SLIT2: variants seen among roughly 807,000 people sequenced by gnomAD.
The protein encoded by SLIT2 is slit homolog 2 protein.
SLIT2 carries 41 observed loss-of-function variants against 185.7 expected under a neutral mutation model. The ratio of observed to expected loss-of-function variants is 0.22; its 90% confidence interval spans 0.17 to 0.29. The LOEUF is 0.29. Among genes scored for constraint, SLIT2 ranks in the 10% least tolerant of loss-of-function variants. The pLI, the probability that SLIT2 is intolerant of heterozygous loss-of-function variation, is 1.00. For synonymous variants in SLIT2, 693 were observed against 680.2 expected (o/e 1.02, Z -0.29); for missense variants, 1,571 against 1,909.0 (o/e 0.82, Z 3.30).
Position 20,553,977 on chromosome 4 carries a change from T to C in SLIT2, c.2725+9T>C, listed in dbSNP as rs765923671. 4.7e-5 allele frequency: 74 copies of C among 1,569,292 alleles called. No individual in the cohort carries two copies. The highest frequency in any genetic ancestry group is 3.6e-5 in the Non-Finnish European group (42 of 1,163,256). ...AAAATTTACCTGTCAAGGTATGGTT[T>C]TTAATCATTTGTATTTCTTTTAAGA... is the stretch of plus-strand genomic sequence containing the variant. On this transcript the variant is annotated intron_variant, in intron 26 of 36. Transcript: ENST00000504154.
At chr4:20,527,554 G>C (rs1222276917) in intron 15 of SLIT2, among the ~76,000 whole-genome samples, 1 of 152,154 alleles carries the variant, frequency 6.6e-6, no homozygotes, top group East Asian at 1.9e-4. Flanking sequence ...CGAAGTGCTA[G>C]TATTACAGGC....
rs181176897 is a variant in SLIT2, at chr4:20,613,475, G to A, written c.3847+3308G>A. 4.9e-3 allele frequency among the ~76,000 whole-genome samples: 749 copies of A among 152,272 alleles called. 9 individuals are homozygous for A. Among genetic ancestry groups the A allele is most frequent in the African/African-American group, 0.017 (698 of 41,550 alleles). On this transcript the variant is annotated intron_variant, in intron 34 of 36. Coordinates refer to ENST00000504154, the MANE Select transcript of SLIT2 (RefSeq NM_004787.4). The stretch of plus-strand genomic sequence containing the variant: ...AATGATGAGAACACATGGACACAGA[G>A]AGGGGAACAACACACACTGGGGCCT...
At chr4:20,570,858 T>C (rs537462779) in intron 29 of SLIT2, among the ~76,000 whole-genome samples, 1 of 151,406 alleles carries the variant, frequency 6.6e-6, no homozygotes, top group African/African-American at 2.4e-5. Context: ...TGAGGACTCT[T>C]GAGTTGGTTT....
chr4:20,586,190 A>G (rs1025773518), intron 29 of SLIT2, among the ~76,000 whole-genome samples: 2 of 152,172 alleles, frequency 1.3e-5, no homozygotes, highest in South Asian at 4.1e-4. Context: ...AAGGAAAATT[A>G]AAGAAACAGT....
chr4:20,417,677 G>A (rs779465535), intron 4 of SLIT2, among the ~76,000 whole-genome samples: 33 of 151,514 alleles, frequency 2.2e-4, no homozygotes, highest in Admixed American at 1.3e-3. Context: ...GCACCACCAC[G>A]CCCAGCTAAT....
At chr4:20,358,366 C>A (rs1036914535) in intron 4 of SLIT2, among the ~76,000 whole-genome samples, 4 of 152,074 alleles carry the variant, frequency 2.6e-5, no homozygotes, top group African/African-American at 9.7e-5. Context: ...GTATTTTTAA[C>A]GCAAACTAAT....
At chr4:20,463,500 T>TGC (rs1553906551) in intron 4 of SLIT2, among the ~76,000 whole-genome samples, 2 of 123,636 alleles carry the variant, frequency 1.6e-5, no homozygotes, top group Admixed American at 8.7e-5. Flanking sequence ...TATGTGTGTG[T>TGC]GCGTATATCC....
Position 20,582,674 on chromosome 4 carries a change from C to T in SLIT2, c.3089-6970C>T, listed in dbSNP as rs146037728. Among the ~76,000 whole-genome samples the T allele has an allele frequency of 1.2e-3, 180 of 152,214 alleles. 2 individuals are homozygous for T. The highest frequency in any genetic ancestry group is 4.1e-3 in the African/African-American group (169 of 41,536). Reference sequence around the variant, plus strand: ...TGCAGAGATAGGAGATTCATTTTTGCGGTAGATCTTAGCATCCTCAGTGTA... The same window carrying T: ...TGCAGAGATAGGAGATTCATTTTTGTGGTAGATCTTAGCATCCTCAGTGTA... On this transcript the variant is annotated intron_variant, in intron 29 of 36. Transcript: ENST00000504154.
chr4:20,287,746 A>G (rs1577372237), intron 4 of SLIT2, among the ~76,000 whole-genome samples: 1 of 152,192 alleles, frequency 6.6e-6, no homozygotes, highest in African/African-American at 2.4e-5. Context: ...CTAGAATTCA[A>G]GCTACTGGTG....
At chr4:20,548,846 G>T (rs1011897738) in intron 23 of SLIT2, among the ~76,000 whole-genome samples, 1 of 152,114 alleles carries the variant, frequency 6.6e-6, no homozygotes, top group Non-Finnish European at 1.5e-5. Context: ...CCAAAGTTGG[G>T]CAGGAGTAGG....
At chr4:20,438,572 G>T (rs772882094) in intron 4 of SLIT2, among the ~76,000 whole-genome samples, 4 of 152,122 alleles carry the variant, frequency 2.6e-5, no homozygotes, top group Non-Finnish European at 5.9e-5. Context: ...TGAGATTTGG[G>T]TGGGGACACA....
intron 33 of SLIT2, among the ~76,000 whole-genome samples, chr4:20,604,082 C>T (rs1400314184): frequency 6.6e-6 from 1 of 152,110 alleles, no homozygotes; most frequent in Non-Finnish European, 1.5e-5. Flanking sequence ...TAACATCGTG[C>T]TTGGCACAGA....
chr4:20,331,407 AT>A (rs1720057766), intron 4 of SLIT2, among the ~76,000 whole-genome samples: 1 of 152,166 alleles, frequency 6.6e-6, no homozygotes, highest in Non-Finnish European at 1.5e-5. Context: ...AGAATGTTGC[AT>A]TCTCCCTGAG....
chr4:20,481,785 T>C (rs900330723), intron 6 of SLIT2, among the ~76,000 whole-genome samples: 9 of 152,078 alleles, frequency 5.9e-5, no homozygotes, highest in African/African-American at 2.2e-4. Context: ...TTTATCAGTA[T>C]TTTTATATGG....
intron 4 of SLIT2, among the ~76,000 whole-genome samples, chr4:20,347,590 C>G (rs1317815650): frequency 6.6e-6 from 1 of 152,162 alleles, no homozygotes; most frequent in Non-Finnish European, 1.5e-5. Flanking sequence ...GCAAATATGT[C>G]AGGAATCCTT....
intron 4 of SLIT2, among the ~76,000 whole-genome samples, chr4:20,295,955 TTATC>T (rs1179384445): frequency 1.3e-5 from 2 of 152,222 alleles, no homozygotes; most frequent in Admixed American, 6.5e-5. Context: ...TATTTGCACT[TTATC>T]TGTATGATGG....
intron 32 of SLIT2, 88 bp downstream of exon 32, chr4:20,596,743 A>T: frequency 7.5e-7 from 1 of 1,325,902 alleles, no homozygotes; most frequent in Non-Finnish European, 1.0e-6. Context: ...TGAATGATTG[A>T]TAGTATGTCT....
At chr4:20,321,128 A>AAAAAC (rs1165292463) in intron 4 of SLIT2, among the ~76,000 whole-genome samples, 1 of 152,172 alleles carries the variant, frequency 6.6e-6, no homozygotes, top group Non-Finnish European at 1.5e-5. Context: ...CTCTGTCTCA[A>AAAAAC]AAAACAAAAC....
At chr4:20,267,755 C>G (rs1713186937) in intron 3 of SLIT2, among the ~76,000 whole-genome samples, 1 of 151,776 alleles carries the variant, frequency 6.6e-6, no homozygotes, top group Admixed American at 6.6e-5. Flanking sequence ...TGCAATATGT[C>G]AAGATTGATA....
Sources: gnomAD v4.1 joint callset for allele counts (sites outside exome capture counted in the v4.1 genomes callset) on GRCh38, gnomAD v4.1.1 for gene constraint, MANE v1.5 for transcripts, NCBI Gene and HGNC (gene_info 2026-07-23, HGNC 2026-07-21) for gene names.